The following JAML variants were observed in gnomAD, a reference collection of about 807,000 sequenced individuals.
The protein encoded by JAML is junction adhesion molecule like.
A neutral mutation model predicts 39.3 loss-of-function variants in JAML; 25 were observed. That is an observed-to-expected ratio of 0.64 (90% CI 0.46 to 0.89). The LOEUF (loss-of-function observed/expected upper bound fraction) is 0.89, where lower values mean the gene tolerates loss of function less well. Ranked by LOEUF, JAML falls within the 40% of genes least tolerant of loss-of-function variation. The probability of loss-of-function intolerance (pLI) is 0.00; values close to 1 mark genes in which losing one functional copy is unlikely to be tolerated. For missense variants in JAML, 440 were observed against 486.9 expected (o/e 0.90, Z 0.91); for synonymous variants, 162 against 179.2 (o/e 0.90, Z 0.77).
At chr11:118,214,998 C>T (rs1949121651) in intron 1 of JAML, 112 bp from the exon 2 acceptor site, 2 of 850,444 alleles carry the variant, frequency 2.4e-6, no homozygotes, top group South Asian at 3.2e-5. Context: ...CACTGGTATG[C>T]AGCATTGAAC....
In JAML at chr11:118,194,272, C is replaced by G; in HGVS notation, c.*53G>C. On this transcript the variant is annotated 3_prime_UTR_variant, in exon 10 of 10. Coordinates refer to ENST00000356289, the MANE Select transcript of JAML (RefSeq NM_001098526.2). ...ATCACTGGTAGAGTGGCCCAGGACA[C>G]ACACAGGAGAGAGTCTCCACCGCTG... 1 of 1,497,124 alleles carries G rather than the reference C, an allele frequency of 6.7e-7. No homozygotes were observed. The highest frequency in any genetic ancestry group is 2.3e-5 in the East Asian group (1 of 44,252). 92.7% of individuals were successfully genotyped at this position (1,497,124 alleles called of 1,614,324 possible).
chr11:118,221,519 C>T (rs1949209404), intron 1 of JAML, among the ~76,000 whole-genome samples: 1 of 152,238 alleles, frequency 6.6e-6, no homozygotes. Flanking sequence ...CCATAGGGTT[C>T]ATGCTCCCGT....
chr11:118,219,628 C>T (rs1393622102), intron 1 of JAML, among the ~76,000 whole-genome samples: 1 of 152,200 alleles, frequency 6.6e-6, no homozygotes, highest in Non-Finnish European at 1.5e-5. Flanking sequence ...GTTTTCATAC[C>T]TTCTCTAATA....
At chr11:118,207,355 G>A (rs369022371) in intron 4 of JAML, among the ~76,000 whole-genome samples, 1 of 152,148 alleles carries the variant, frequency 6.6e-6, no homozygotes, top group Admixed American at 6.5e-5. Flanking sequence ...GAGAAGGAAA[G>A]TAAAGGAACC....
intron 8 of JAML, 118 bp from the exon 9 acceptor site, chr11:118,196,939 G>T: frequency 1.3e-6 from 1 of 746,970 alleles, no homozygotes; most frequent in South Asian, 1.5e-5. Flanking sequence ...GGTTCAGAGG[G>T]TTACTGAGAC....
chr11:118,197,943 G>A, intron 8 of JAML, 55 bp downstream of exon 8: 3 of 1,519,248 alleles, frequency 2.0e-6, no homozygotes, highest in Non-Finnish European at 2.7e-6. Context: ...CCGGGGGTAT[G>A]AGAACGGCCC....
At chr11:118,219,223 TATC>T (rs1347376572) in intron 1 of JAML, among the ~76,000 whole-genome samples, 3 of 152,170 alleles carry the variant, frequency 2.0e-5, no homozygotes, top group African/African-American at 2.4e-5. Flanking sequence ...CACAATGAGT[TATC>T]ATCTCATACC....
At chr11:118,216,273 A>G (rs1405234941) in intron 1 of JAML, among the ~76,000 whole-genome samples, 2 of 151,886 alleles carry the variant, frequency 1.3e-5, no homozygotes, top group Non-Finnish European at 1.5e-5. Flanking sequence ...GGAGGCTGAG[A>G]CAGGAGAATG....
chr11:118,211,974 T>C (rs1949068825), intron 3 of JAML, among the ~76,000 whole-genome samples: 1 of 151,886 alleles, frequency 6.6e-6, no homozygotes, highest in South Asian at 2.1e-4. Context: ...ATAGTTCTTA[T>C]GCCTAGGTCA....
chr11:118,196,635 C>T (rs1948661878), intron 9 of JAML, 100 bp downstream of exon 9: 1 of 927,820 alleles, frequency 1.1e-6, no homozygotes. Context: ...AGAAAAATCA[C>T]CGCCCTCAGC....
intron 4 of JAML, among the ~76,000 whole-genome samples, chr11:118,208,686 C>T (rs2134663347): frequency 1.3e-5 from 2 of 152,374 alleles, no homozygotes; most frequent in Middle Eastern, 6.8e-3. Flanking sequence ...TCCTTCTATT[C>T]CACACTCTTA....
At chr11:118,211,772 A>C (rs960118380) in intron 3 of JAML, among the ~76,000 whole-genome samples, 4 of 152,150 alleles carry the variant, frequency 2.6e-5, no homozygotes, top group Admixed American at 2.0e-4. Context: ...AGACTGTCTG[A>C]TGAGGCTTAA....
chr11:118,207,796 C>CTA (rs1432733491), intron 4 of JAML, among the ~76,000 whole-genome samples: 3 of 152,156 alleles, frequency 2.0e-5, no homozygotes, highest in Non-Finnish European at 4.4e-5. Flanking sequence ...GAATATCTGA[C>CTA]TATCTCTAAC....
chr11:118,203,566 T>C lies in JAML; in HGVS notation c.634A>G (p.Ile212Val), dbSNP rs1948857802. 1 of 1,614,134 alleles carries C rather than the reference T, an allele frequency of 6.2e-7. No individual in the cohort carries two copies. Among genetic ancestry groups the C allele is most frequent in the African/African-American group, 1.3e-5 (1 of 75,022 alleles). Residue 212 changes from isoleucine (I) to valine (V), a missense_variant, in exon 6 of 10, where the codon ATT becomes GTT. By Grantham distance (29) the Ile-to-Val change is conservative. Coordinates refer to ENST00000356289, the MANE Select transcript of JAML (RefSeq NM_001098526.2). ...FQNRVNLVGD[I>V]FRNDGSIMLQ... ...ATGATGGAACCGTCATTGCGGAAAA[T>C]GTCCCCCACCAGGTTCACACGATTC...
At chr11:118,216,665 G>A (rs934322312) in intron 1 of JAML, among the ~76,000 whole-genome samples, 1 of 152,170 alleles carries the variant, frequency 6.6e-6, no homozygotes, top group African/African-American at 2.4e-5. Context: ...TAGCTTTAGG[G>A]GAGATTTCAG....
At chr11:118,217,592 A>C (rs1949160347) in intron 1 of JAML, among the ~76,000 whole-genome samples, 1 of 152,218 alleles carries the variant, frequency 6.6e-6, no homozygotes, top group Non-Finnish European at 1.5e-5. Context: ...CCTTGTTTTC[A>C]ATATTAAAAG....
intron 6 of JAML, 148 bp from the exon 7 acceptor site, chr11:118,200,760 G>T: frequency 1.2e-6 from 1 of 815,734 alleles, no homozygotes; most frequent in Non-Finnish European, 1.9e-6. Flanking sequence ...TAGGGACACT[G>T]TCTCCATGAG....
intron 1 of JAML, 81 bp from the exon 2 acceptor site, chr11:118,214,967 C>T (rs566611499): frequency 3.0e-5 from 38 of 1,270,716 alleles, no homozygotes; most frequent in African/African-American, 5.9e-5. Flanking sequence ...AAGGACTATA[C>T]GGAGCAGCCT....
intron 5 of JAML, 115 bp downstream of exon 5, chr11:118,205,767 G>T: frequency 1.1e-6 from 1 of 914,968 alleles, no homozygotes; most frequent in Non-Finnish European, 1.8e-6. Flanking sequence ...GTCCAGTTCT[G>T]ATAAGCACCA....
Sources: allele counts gnomAD v4.1 joint callset (sites outside exome capture counted in the v4.1 genomes callset), GRCh38; gene constraint gnomAD v4.1.1; transcripts MANE v1.5; gene names NCBI Gene and HGNC (gene_info 2026-07-23, HGNC 2026-07-21).